NRG4: variants seen among roughly 807,000 people sequenced by gnomAD.
NRG4 encodes neuregulin 4.
A neutral mutation model predicts 15.0 loss-of-function variants in NRG4; 10 were observed. That is an observed-to-expected ratio of 0.67 (90% CI 0.41 to 1.13). NRG4 has a LOEUF of 1.13. NRG4 is among the 50% of genes most tolerant of loss of function. The probability of loss-of-function intolerance (pLI) is 0.00; values close to 1 mark genes in which losing one functional copy is unlikely to be tolerated. For missense variants in NRG4, 139 were observed against 140.2 expected, an observed-to-expected ratio of 0.99 and a Z score of 0.04; for synonymous variants, 41 against 50.1, an observed-to-expected ratio of 0.82 and a Z score of 0.77.
intron 5 of NRG4, among the ~76,000 whole-genome samples, chr15:75,944,920 A>C (rs2031387107): frequency 6.6e-6 from 1 of 151,918 alleles, no homozygotes; most frequent in South Asian, 2.1e-4. Context: ...TTTTTCTTAC[A>C]AAAAAACAAC....
chr15:76,025,985 C>A (rs1176283664), intron 5 of NRG4, among the ~76,000 whole-genome samples: 3 of 151,622 alleles, frequency 2.0e-5, no homozygotes, highest in Non-Finnish European at 2.9e-5. Context: ...ACACAGGCAG[C>A]CCCCGACTAC....
intron 3 of NRG4, among the ~76,000 whole-genome samples, chr15:76,000,886 G>C (rs2034389685): frequency 6.6e-6 from 1 of 152,096 alleles, no homozygotes; most frequent in South Asian, 2.1e-4. Context: ...AAAATGAGCA[G>C]ATATCCAGGA....
chr15:76,028,306 T>C (rs1347078013), intron 5 of NRG4, among the ~76,000 whole-genome samples: 1 of 149,058 alleles, frequency 6.7e-6, no homozygotes, highest in Non-Finnish European at 1.5e-5. Context: ...AAATCAGAAA[T>C]GAAAAATGAG....
chr15:75,973,893 G>A (rs2033235591), intron 3 of NRG4, among the ~76,000 whole-genome samples: 1 of 152,176 alleles, frequency 6.6e-6, no homozygotes, highest in Non-Finnish European at 1.5e-5. Context: ...AAATGATTTA[G>A]GGAGGAGTCC....
chr15:75,994,976 A>G lies in NRG4; in HGVS notation c.104+14224T>C, dbSNP rs561437665. 7.2e-5 allele frequency among the ~76,000 whole-genome samples: 11 copies of G among 152,110 alleles called. No individual in the cohort carries two copies. The South Asian group carries it at 2.3e-3, about 32-fold the overall frequency. The stretch of plus-strand genomic sequence containing the variant: ...ATTGCTTGAGCCCAGTCTTGACAAC[A>G]TAGGAAGTTCAAGTCCAGTCTGGAC... On this transcript the variant is annotated intron_variant, in intron 3 of 5. Transcript: ENST00000394907.
chr15:76,044,098 C>T (rs917301233), intron 4 of NRG4, among the ~76,000 whole-genome samples: 2 of 152,060 alleles, frequency 1.3e-5, no homozygotes, highest in African/African-American at 4.8e-5. Context: ...CCCAGGTTCA[C>T]GCCATTCTCC....
chr15:76,044,857 A>G lies in NRG4; in HGVS notation c.-105+7210T>C, dbSNP rs756405972. 2.1e-3 allele frequency among the ~76,000 whole-genome samples: 312 copies of G among 149,632 alleles called. 3 individuals carry two copies. Among genetic ancestry groups the G allele is most frequent in the Middle Eastern group, 6.8e-3 (2 of 292 alleles). On this transcript the variant is annotated intron_variant, in intron 4 of 8. Transcript: ENST00000563910. ...CTCTGTCTCAAAAAAAAAAAAAAAA[A>G]GATTTCTTGAGTAATACCCCACAAG...
chr15:75,970,797 TG>T (rs1416999889), intron 3 of NRG4, among the ~76,000 whole-genome samples: 1 of 152,214 alleles, frequency 6.6e-6, no homozygotes, highest in Non-Finnish European at 1.5e-5. Context: ...ACAAACTCCT[TG>T]CCCCCATGCT....
intron 3 of NRG4, among the ~76,000 whole-genome samples, chr15:75,979,673 A>G (rs2033526451): frequency 1.3e-5 from 2 of 152,220 alleles, no homozygotes; most frequent in East Asian, 1.9e-4. Flanking sequence ...GATACATTTT[A>G]TTTTCTGGAT....
intron 3 of NRG4, among the ~76,000 whole-genome samples, chr15:76,003,242 T>A (rs539083680): frequency 6.6e-6 from 1 of 152,144 alleles, no homozygotes; most frequent in East Asian, 1.9e-4. Flanking sequence ...TTTCAAAGGA[T>A]ATTAGTAAAC....
intron 3 of NRG4, among the ~76,000 whole-genome samples, chr15:76,008,443 A>G (rs1257571303): frequency 6.6e-6 from 1 of 152,208 alleles, no homozygotes; most frequent in Non-Finnish European, 1.5e-5. Flanking sequence ...TTCTCATTTC[A>G]GTTAAAGAAC....
rs145749733 is a variant in NRG4, at chr15:76,052,368, A to G, written c.-215-191T>C. Among the ~76,000 whole-genome samples, 4 of 151,180 alleles carry G rather than the reference A, an allele frequency of 2.6e-5. No individual in the cohort carries two copies. In the East Asian group the frequency reaches 7.7e-4, roughly 29 times the overall value. On this transcript the variant is annotated intron_variant, in intron 3 of 8. Transcript: ENST00000563910. ...ATGTTTAATTTTTCCCCCTTTCACAACTTTTTAAGTCCCAGAAAAACTACT... is the reference window on the plus strand; with the variant it reads ...ATGTTTAATTTTTCCCCCTTTCACAGCTTTTTAAGTCCCAGAAAAACTACT...
chr15:75,995,209 G>A (rs894044016), intron 3 of NRG4, among the ~76,000 whole-genome samples: 4 of 150,566 alleles, frequency 2.7e-5, no homozygotes, highest in South Asian at 2.1e-4. Flanking sequence ...AAAAAAAAAA[G>A]AAAGAAAGAA....
intron 3 of NRG4, chr15:75,971,361 TA>T (rs954059913): frequency 4.5e-4 from 130 of 291,484 alleles, no homozygotes; most frequent in South Asian, 6.2e-4. Context: ...TGGTTATACT[TA>T]AAAAAAAATT....
At chr15:75,939,486 TAAG>T (rs890893575), downstream of NRG4, 2 of 152,080 alleles carry the variant, frequency 1.3e-5, no homozygotes, top group African/African-American at 4.8e-5. Flanking sequence ...TTCTACCAAA[TAAG>T]AAGAAATAAC....
At chr15:75,950,231 CATT>C (rs1348006974) in intron 5 of NRG4, among the ~76,000 whole-genome samples, 8 of 152,050 alleles carry the variant, frequency 5.3e-5, no homozygotes, top group African/African-American at 1.9e-4. Flanking sequence ...GAGATTCTAT[CATT>C]AATAATTTTT....
upstream of NRG4, among the ~76,000 whole-genome samples, chr15:76,012,737 A>T (rs2034855564): frequency 6.6e-6 from 1 of 152,190 alleles, no homozygotes; most frequent in Non-Finnish European, 1.5e-5. Flanking sequence ...GTGTTTCACA[A>T]ATTAAAAAAA....
intron 5 of NRG4, among the ~76,000 whole-genome samples, chr15:75,944,509 A>G (rs1371473105): frequency 6.6e-6 from 1 of 152,188 alleles, no homozygotes; most frequent in Non-Finnish European, 1.5e-5. Flanking sequence ...TACATTCCAG[A>G]AGCACACAAG....
intron 1 of NRG4, chr15:76,057,032 T>C (rs1485801352): frequency 1.3e-5 from 2 of 152,208 alleles, no homozygotes; most frequent in East Asian, 3.8e-4. Flanking sequence ...GGCAAGGAAG[T>C]GATATACCAA....
Sources: gnomAD v4.1 joint callset for allele counts (sites outside exome capture counted in the v4.1 genomes callset) on GRCh38, gnomAD v4.1.1 for gene constraint, MANE v1.5 for transcripts, NCBI Gene and HGNC (gene_info 2026-07-23, HGNC 2026-07-21) for gene names.